BANK1: variants seen among roughly 807,000 people sequenced by gnomAD.
BANK1 encodes B cell scaffold protein with ankyrin repeats 1.
Under a neutral mutation model 94.5 loss-of-function variants are expected in BANK1, and 95 were observed. That is an observed-to-expected ratio of 1.00 (90% CI 0.85 to 1.19). BANK1 has a LOEUF of 1.19. Among genes scored for constraint, BANK1 ranks in the 50% most tolerant of loss-of-function variants. BANK1 has a pLI of 0.00. For missense variants in BANK1, 987 were observed against 932.2 expected, an observed-to-expected ratio of 1.06 and a Z score of -0.77; for synonymous variants, 334 against 308.4, an observed-to-expected ratio of 1.08 and a Z score of -0.87.
intron 4 of BANK1, among the ~76,000 whole-genome samples, chr4:101,863,206 A>G (rs1363502758): frequency 6.6e-6 from 1 of 152,048 alleles, no homozygotes; most frequent in Non-Finnish European, 1.5e-5. Context: ...TGCTTATAGC[A>G]TGATAAATTG....
chr4:102,025,308 G>C lies in BANK1; in HGVS notation c.1393G>C (p.Gly465Arg). 6.2e-7 allele frequency: 1 copy of C among 1,614,096 alleles called. No individual in the cohort carries two copies. The highest frequency in any genetic ancestry group is 1.7e-5 in the Admixed American group (1 of 60,012). The stretch of plus-strand genomic sequence containing the variant: ...AGGGGAAGGAAAACAGAATGGATCA[G>C]GCATGGAGACCAAACACAGCCCACT... ...MEGEGKQNGSGMETKHSPLEV... is the reference protein window; with the variant it reads ...MEGEGKQNGSRMETKHSPLEV... The change falls in exon 9 of 17, where the codon GGC becomes CGC. Residue 465 changes from glycine (G) to arginine (R), a missense_variant. Transcript: ENST00000322953.
chr4:101,792,460 TG>T (rs1725023214), intron 1 of BANK1, among the ~76,000 whole-genome samples: 7 of 99,576 alleles, frequency 7.0e-5, no homozygotes, highest in Admixed American at 9.8e-5. Context: ...TGTGTGTGTG[TG>T]TGTGTGTGTT....
chr4:101,944,039 TGAGAGAGA>T (rs796144955), intron 7 of BANK1, among the ~76,000 whole-genome samples: 13 of 126,814 alleles, frequency 1.0e-4, no homozygotes, highest in African/African-American at 3.4e-4. Context: ...TGTGTGTGTG[TGAGAGAGA>T]GAGAGAGAGA....
At chr4:101,854,688 A>C (rs1727614605) in intron 2 of BANK1, among the ~76,000 whole-genome samples, 1 of 152,148 alleles carries the variant, frequency 6.6e-6, no homozygotes, top group Non-Finnish European at 1.5e-5. Context: ...AAATGTCCTT[A>C]ATAACCGTCA....
chr4:102,010,129 G>A (rs1726444078), intron 7 of BANK1, among the ~76,000 whole-genome samples: 1 of 151,670 alleles, frequency 6.6e-6, no homozygotes, highest in Non-Finnish European at 1.5e-5. Flanking sequence ...GCCAGGTGTG[G>A]TGGCGGGCGC....
chr4:102,002,568 C>T (rs1367001588), intron 7 of BANK1, among the ~76,000 whole-genome samples: 4 of 150,870 alleles, frequency 2.7e-5, no homozygotes, highest in African/African-American at 4.9e-5. Flanking sequence ...CACACACACA[C>T]ACACACACAC....
intron 1 of BANK1, among the ~76,000 whole-genome samples, chr4:101,818,495 T>A (rs1322835186): frequency 6.6e-6 from 1 of 152,160 alleles, no homozygotes. Flanking sequence ...TCCCAAGTCT[T>A]TGTTGATGGC....
At chr4:101,908,695 C>T (rs1164959353) in intron 6 of BANK1, among the ~76,000 whole-genome samples, 2 of 151,978 alleles carry the variant, frequency 1.3e-5, no homozygotes, top group Non-Finnish European at 2.9e-5. Flanking sequence ...ACAATGAACT[C>T]AAACAAATTT....
chr4:101,913,910 A>T (rs1193107633), intron 6 of BANK1, among the ~76,000 whole-genome samples: 3 of 152,198 alleles, frequency 2.0e-5, no homozygotes, highest in African/African-American at 7.2e-5. Context: ...TCAACTCATC[A>T]TGCAGGTGCT....
intron 5 of BANK1, among the ~76,000 whole-genome samples, chr4:101,887,111 C>T (rs898970694): frequency 1.3e-5 from 2 of 152,118 alleles, no homozygotes; most frequent in Non-Finnish European, 1.5e-5. Context: ...CCCTCACTGG[C>T]TTTTTCTTTT....
chr4:101,950,546 GCT>G (rs908511254), intron 7 of BANK1, among the ~76,000 whole-genome samples: 11 of 152,234 alleles, frequency 7.2e-5, no homozygotes, highest in Admixed American at 7.2e-4. Flanking sequence ...ATTTTCAAAT[GCT>G]CTTTCTTTGA....
chr4:101,956,940 G>C (rs1291899050), intron 7 of BANK1, among the ~76,000 whole-genome samples: 1 of 152,174 alleles, frequency 6.6e-6, no homozygotes, highest in East Asian at 1.9e-4. Flanking sequence ...CCAGAACCCA[G>C]TTTTCATATC....
At chr4:101,861,730 G>T (rs1270660487) in intron 3 of BANK1, among the ~76,000 whole-genome samples, 3 of 151,640 alleles carry the variant, frequency 2.0e-5, no homozygotes, top group African/African-American at 7.3e-5. Flanking sequence ...TTTCAGTTAG[G>T]TTTAGAGGAA....
chr4:101,806,539 C>T (rs1259210707), intron 1 of BANK1, among the ~76,000 whole-genome samples: 4 of 152,126 alleles, frequency 2.6e-5, no homozygotes, highest in Admixed American at 6.5e-5. Flanking sequence ...CAGAACTTCA[C>T]TTTTTGCCAG....
At chr4:101,981,534 T>C (rs1158939585) in intron 7 of BANK1, among the ~76,000 whole-genome samples, 7 of 152,154 alleles carry the variant, frequency 4.6e-5, no homozygotes, top group African/African-American at 4.8e-5. Context: ...CATATGTTTT[T>C]CTGAAATCAT....
chr4:101,977,648 T>C (rs554746099), intron 7 of BANK1, among the ~76,000 whole-genome samples: 2 of 152,250 alleles, frequency 1.3e-5, no homozygotes, highest in Non-Finnish European at 2.9e-5. Context: ...CTAATTTCTT[T>C]CTTTCATGTA....
chr4:101,845,530 A>G (rs921494288), intron 2 of BANK1, among the ~76,000 whole-genome samples: 2 of 152,172 alleles, frequency 1.3e-5, no homozygotes, highest in African/African-American at 4.8e-5. Context: ...TTTCAAATCC[A>G]TTTTAGACCA....
chr4:101,861,123 TC>T (rs5860698), intron 3 of BANK1, among the ~76,000 whole-genome samples: 12,346 of 152,228 alleles, frequency 0.081, 762 homozygotes, highest in African/African-American at 0.17. Flanking sequence ...TAGTGGGAGT[TC>T]CTTTGAAATA....
intron 9 of BANK1, among the ~76,000 whole-genome samples, chr4:102,029,724 A>G (rs1727224042): frequency 6.6e-6 from 1 of 151,980 alleles, no homozygotes; most frequent in African/African-American, 2.4e-5. Context: ...ATTTGTCTTA[A>G]TACAATTTAA....
Sources: gnomAD v4.1 joint callset for allele counts (sites outside exome capture counted in the v4.1 genomes callset) on GRCh38, gnomAD v4.1.1 for gene constraint, MANE v1.5 for transcripts, NCBI Gene and HGNC (gene_info 2026-07-23, HGNC 2026-07-21) for gene names.